CFAP47: variants seen among roughly 807,000 people sequenced by gnomAD.
The protein encoded by CFAP47 is cilia and flagella associated protein 47.
Under a neutral mutation model 148.1 loss-of-function variants are expected in CFAP47, and 29 were observed. The ratio of observed to expected loss-of-function variants is 0.20; its 90% CI spans 0.15 to 0.27. The LOEUF (loss-of-function observed/expected upper bound fraction) is 0.27. Among genes scored for constraint, CFAP47 ranks in the 10% least tolerant of loss-of-function variants. CFAP47 has a pLI of 1.00. For missense variants in CFAP47, 1,872 were observed against 1,697.5 expected, an observed-to-expected ratio of 1.10 and a Z score of -1.81; for synonymous variants, 664 against 577.3, an observed-to-expected ratio of 1.15 and a Z score of -2.15.
At chrX:36,017,383 T>C (rs1765476775) in intron 22 of CFAP47, among the ~76,000 whole-genome samples, 1 of 112,161 alleles carries the variant, frequency 8.9e-6, no homozygotes, top group Non-Finnish European at 1.9e-5. Flanking sequence ...AGAAGCTTTT[T>C]AAATTTGATG....
intron 13 of CFAP47, among the ~76,000 whole-genome samples, chrX:35,972,973 A>G (rs1936516060): frequency 8.9e-6 from 1 of 111,986 alleles, no homozygotes; most frequent in African/African-American, 3.2e-5. Flanking sequence ...TATAAGGGTT[A>G]CAAGTTCTTC....
chrX:35,937,775 G>GTTTT (rs1935940088), intron 2 of CFAP47, among the ~76,000 whole-genome samples: 2 of 108,598 alleles, frequency 1.8e-5, no homozygotes, highest in African/African-American at 6.9e-5. Flanking sequence ...AAAACTGTTG[G>GTTTT]AGTGAGCACA....
intron 29 of CFAP47, among the ~76,000 whole-genome samples, chrX:36,082,530 A>G (rs1038582114): frequency 5.7e-4 from 64 of 111,933 alleles, no homozygotes; most frequent in African/African-American, 2.0e-3. Flanking sequence ...GCAACTAATC[A>G]TAGAGTCATT....
At chrX:35,949,794 C>G (rs980937461) in intron 4 of CFAP47, among the ~76,000 whole-genome samples, 1 of 111,610 alleles carries the variant, frequency 9.0e-6, no homozygotes, top group African/African-American at 3.3e-5. Flanking sequence ...GTTTAGTAAC[C>G]CTAATCTAAA....
intron 26 of CFAP47, among the ~76,000 whole-genome samples, chrX:36,061,937 C>T (rs1049641173): frequency 2.7e-5 from 3 of 111,931 alleles, no homozygotes; most frequent in South Asian, 3.7e-4. Flanking sequence ...ACAGAAATAT[C>T]GTTCCTTAAT....
At chrX:36,050,243 G>A (rs1352523609) in intron 26 of CFAP47, among the ~76,000 whole-genome samples, 1 of 111,493 alleles carries the variant, frequency 9.0e-6, no homozygotes, top group Non-Finnish European at 1.9e-5. Context: ...GGCAGAGGTT[G>A]GAACAGTTTG....
chrX:36,385,017 C>T lies in CFAP47; in HGVS notation c.*11C>T, dbSNP rs1244885625. Reference sequence around the variant, plus strand: ...GTGAAGAATCAATAAAATTTTTTTCCAAAATATTTCTTGGTCTCAGGTAGA... The same window carrying T: ...GTGAAGAATCAATAAAATTTTTTTCTAAAATATTTCTTGGTCTCAGGTAGA... On this transcript the variant is annotated 3_prime_UTR_variant, in exon 64 of 64. Transcript: ENST00000378653. 1.0e-5 allele frequency: 11 copies of T among 1,081,289 alleles called. No individual in the cohort carries two copies. Among genetic ancestry groups the T allele is most frequent in the Non-Finnish European group, 1.4e-5 (11 of 797,045 alleles). 89.1% of individuals were successfully genotyped at this position (1,081,289 alleles called of 1,213,427 possible). A position where few individuals can be genotyped will look rare whatever the true frequency, so the allele number is the denominator to read the frequency against.
intron 39 of CFAP47, among the ~76,000 whole-genome samples, chrX:36,172,586 T>C (rs1208483572): frequency 3.6e-5 from 4 of 110,919 alleles, no homozygotes; most frequent in Non-Finnish European, 7.6e-5. Context: ...GTTCTGTTTA[T>C]ATGCTGGATT....
intron 57 of CFAP47, among the ~76,000 whole-genome samples, chrX:36,319,810 A>G (rs1349552470): frequency 1.8e-5 from 2 of 110,468 alleles, no homozygotes; most frequent in Non-Finnish European, 3.8e-5. Context: ...TTTTGAGACT[A>G]TTTTTGTTGT....
At chrX:35,937,289 T>C (rs1232925778) in intron 2 of CFAP47, among the ~76,000 whole-genome samples, 2 of 108,005 alleles carry the variant, frequency 1.9e-5, no homozygotes, top group African/African-American at 6.7e-5. Flanking sequence ...CAGGCTGGCA[T>C]TGTCTGGCTC....
At chrX:36,043,906 A>G (rs777378528) in intron 25 of CFAP47, among the ~76,000 whole-genome samples, 3 of 112,767 alleles carry the variant, frequency 2.7e-5, no homozygotes, top group Non-Finnish European at 5.6e-5. Context: ...CCTGTAGCAG[A>G]CTTTGGCCTG....
At chrX:36,233,782 CT>C (rs1363406564) in intron 46 of CFAP47, among the ~76,000 whole-genome samples, 2 of 110,687 alleles carry the variant, frequency 1.8e-5, no homozygotes, top group Non-Finnish European at 3.8e-5. Context: ...TTAGCGCTTC[CT>C]TCAGGAGCTC....
At chrX:36,274,000 C>T (rs1287872651) in intron 49 of CFAP47, among the ~76,000 whole-genome samples, 2 of 111,823 alleles carry the variant, frequency 1.8e-5, no homozygotes, top group African/African-American at 6.5e-5. Context: ...TCAATTAAAA[C>T]GTGAACTACT....
At position 36,005,459 on chromosome X, in the gene CFAP47, G is replaced by A. The variant is rs183289278; in HGVS notation, c.3417+3752G>A. Reference sequence around the variant, plus strand: ...ACCTATTAGTTATTTGGTGTGTCTCGTTTAATTTCCACATATTTGTGCATT... The same window carrying A: ...ACCTATTAGTTATTTGGTGTGTCTCATTTAATTTCCACATATTTGTGCATT... On this transcript the variant is annotated intron_variant, in intron 21 of 63. Coordinates refer to ENST00000378653, the MANE Select transcript of CFAP47 (RefSeq NM_001304548.2). Among the ~76,000 whole-genome samples the A allele has an allele frequency of 5.4e-5, 6 of 111,599 alleles. No individual in the cohort carries two copies. In the South Asian group the frequency reaches 1.5e-3, roughly 27 times the overall value.
chrX:36,234,342 C>T (rs1940420412), intron 46 of CFAP47, among the ~76,000 whole-genome samples: 2 of 111,176 alleles, frequency 1.8e-5, no homozygotes, highest in Admixed American at 1.9e-4. Flanking sequence ...CTAAACTTCC[C>T]TTCTCTCTTC....
chrX:36,349,333 A>G (rs6527556), intron 58 of CFAP47, among the ~76,000 whole-genome samples: 36,296 of 110,368 alleles, frequency 0.33, 7,039 homozygotes, highest in African/African-American at 0.73. Flanking sequence ...GCATGATCTT[A>G]ACTTACTGCA....
At chrX:36,042,956 C>T (rs1160724893) in intron 25 of CFAP47, among the ~76,000 whole-genome samples, 1 of 111,283 alleles carries the variant, frequency 9.0e-6, no homozygotes, top group Non-Finnish European at 1.9e-5. Context: ...GATAAAATGA[C>T]CAAGGAATAA....
At chrX:36,067,552 T>C (rs1446043386) in intron 27 of CFAP47, among the ~76,000 whole-genome samples, 1 of 111,605 alleles carries the variant, frequency 9.0e-6, no homozygotes, top group Non-Finnish European at 1.9e-5. Flanking sequence ...ACATTCAAGC[T>C]GCCATAATAC....
chrX:36,178,605 G>C (rs1283609951), intron 39 of CFAP47, among the ~76,000 whole-genome samples: 1 of 111,147 alleles, frequency 9.0e-6, no homozygotes, highest in Non-Finnish European at 1.9e-5. Flanking sequence ...GATAAATCAA[G>C]TTTGGATATT....
Sources: allele counts gnomAD v4.1 joint callset (sites outside exome capture counted in the v4.1 genomes callset), GRCh38; gene constraint gnomAD v4.1.1; transcripts MANE v1.5; gene names NCBI Gene and HGNC (gene_info 2026-07-23, HGNC 2026-07-21).